DDAH1: variants seen among roughly 807,000 people sequenced by gnomAD.
The protein encoded by DDAH1 is dimethylarginine dimethylaminohydrolase 1, also known as N(G),N(G)-dimethylarginine dimethylaminohydrolase 1.
DDAH1 carries 19 observed loss-of-function variants against 28.8 expected under a neutral mutation model. The ratio of observed to expected loss-of-function variants is 0.66; its 90% CI spans 0.46 to 0.97. The LOEUF (loss-of-function observed/expected upper bound fraction) is 0.97. Among genes scored for constraint, DDAH1 ranks in the 50% least tolerant of loss-of-function variants. The pLI, the probability that DDAH1 is intolerant of heterozygous loss-of-function variation, is 0.00. For synonymous variants in DDAH1, 153 were observed against 154.4 expected (o/e 0.99, Z 0.07); for missense variants, 326 against 375.9 (o/e 0.87, Z 1.10).
intron 1 of DDAH1, among the ~76,000 whole-genome samples, chr1:85,577,476 A>G (rs1297546087): frequency 6.6e-6 from 1 of 152,172 alleles, no homozygotes. Context: ...GGATCTATGA[A>G]GACACACACA....
chr1:85,432,475 G>A (rs933842994), intron 1 of DDAH1, among the ~76,000 whole-genome samples: 4 of 152,064 alleles, frequency 2.6e-5, no homozygotes, highest in Non-Finnish European at 5.9e-5. Context: ...CGTGTGTATT[G>A]TTTCTGACCA....
chr1:85,546,106 A>G (rs1371429554), intron 1 of DDAH1, among the ~76,000 whole-genome samples: 2 of 147,394 alleles, frequency 1.4e-5, no homozygotes, highest in Non-Finnish European at 3.0e-5. Context: ...TATGACTACT[A>G]TTTGCTATGA....
At chr1:85,447,374 C>T (rs1489022508) in intron 1 of DDAH1, among the ~76,000 whole-genome samples, 3 of 152,166 alleles carry the variant, frequency 2.0e-5, no homozygotes, top group Admixed American at 6.5e-5. Context: ...CAGAAAGCCA[C>T]AGCAGCTAAG....
intron 2 of DDAH1, among the ~76,000 whole-genome samples, chr1:85,357,691 G>A (rs947599141): frequency 6.6e-6 from 1 of 152,136 alleles, no homozygotes; most frequent in Admixed American, 6.5e-5. Context: ...GGCTACATTG[G>A]TGAAATGTAT....
At chr1:85,437,309 A>ACTG (rs1653984887) in intron 1 of DDAH1, among the ~76,000 whole-genome samples, 1 of 152,152 alleles carries the variant, frequency 6.6e-6, no homozygotes, top group African/African-American at 2.4e-5. Flanking sequence ...CCCAGTATCA[A>ACTG]CTGCCGGATA....
At chr1:85,335,516 T>C (rs1328144545) in intron 4 of DDAH1, among the ~76,000 whole-genome samples, 2 of 151,910 alleles carry the variant, frequency 1.3e-5, no homozygotes, top group Non-Finnish European at 2.9e-5. Flanking sequence ...GGAGTAGATA[T>C]ATTTATATCA....
rs146275030 is a variant in DDAH1 at position 85,339,309 on chromosome 1, A to G, written c.597+11106T>C. 9.3e-4 allele frequency among the ~76,000 whole-genome samples: 141 copies of G among 152,296 alleles called. 1 individual carries two copies. Among genetic ancestry groups the G allele is most frequent in the Middle Eastern group, 3.4e-3 (1 of 294 alleles). ...GAGTCACCTCTCAGTATGTGGTCACAGGTTTAAACTTGGTCCCACTTCGGG... is the reference window on the plus strand; with the variant it reads ...GAGTCACCTCTCAGTATGTGGTCACGGGTTTAAACTTGGTCCCACTTCGGG... On this transcript the variant is annotated intron_variant, in intron 4 of 5. Transcript: ENST00000284031.
chr1:85,415,665 C>G (rs1168864479), intron 1 of DDAH1, among the ~76,000 whole-genome samples: 1 of 151,900 alleles, frequency 6.6e-6, no homozygotes, highest in East Asian at 1.9e-4. Flanking sequence ...AAATGAAACA[C>G]TATATTATTT....
At chr1:85,494,848 T>G (rs1656527597) in intron 2 of DDAH1, 1 of 152,260 alleles carries the variant, frequency 6.6e-6, no homozygotes, top group Non-Finnish European at 1.5e-5. Flanking sequence ...CATATCTTTG[T>G]GCACAGTGAA....
chr1:85,359,486 T>C (rs1168888088), intron 1 of DDAH1, among the ~76,000 whole-genome samples: 3 of 152,210 alleles, frequency 2.0e-5, no homozygotes, highest in Admixed American at 2.0e-4. Flanking sequence ...CAAGATTCCA[T>C]TTTAAATCTT....
intron 1 of DDAH1, among the ~76,000 whole-genome samples, chr1:85,527,770 A>G (rs1657924572): frequency 6.6e-6 from 1 of 152,226 alleles, no homozygotes; most frequent in South Asian, 2.1e-4. Flanking sequence ...AAATATCAGC[A>G]TAATTGCATC....
chr1:85,446,298 G>A (rs1233778260), intron 1 of DDAH1, among the ~76,000 whole-genome samples: 1 of 152,148 alleles, frequency 6.6e-6, no homozygotes, highest in Non-Finnish European at 1.5e-5. Context: ...CAGGAAAAGT[G>A]CCGAGTAAAG....
chr1:85,456,748 A>G (rs1249078601), intron 1 of DDAH1, among the ~76,000 whole-genome samples: 1 of 152,218 alleles, frequency 6.6e-6, no homozygotes, highest in East Asian at 1.9e-4. Context: ...ATAACTACAT[A>G]CTACAAGATG....
At chr1:85,514,766 G>A (rs1657406774) in intron 1 of DDAH1, among the ~76,000 whole-genome samples, 1 of 151,828 alleles carries the variant, frequency 6.6e-6, no homozygotes, top group South Asian at 2.1e-4. Flanking sequence ...TTTCACACTA[G>A]CCCCTGTGTC....
At chr1:85,407,065 T>C (rs1652441938) in intron 1 of DDAH1, among the ~76,000 whole-genome samples, 1 of 152,114 alleles carries the variant, frequency 6.6e-6, no homozygotes, top group African/African-American at 2.4e-5. Flanking sequence ...TTTTTAAATG[T>C]TTCCATTTCC....
intron 1 of DDAH1, among the ~76,000 whole-genome samples, chr1:85,569,065 C>T (rs1194452674): frequency 6.6e-6 from 1 of 152,172 alleles, no homozygotes; most frequent in African/African-American, 2.4e-5. Context: ...GTGTGAACTC[C>T]CCAAGAATCT....
chr1:85,397,310 G>A (rs574427072), intron 1 of DDAH1, among the ~76,000 whole-genome samples: 2 of 152,284 alleles, frequency 1.3e-5, no homozygotes, highest in African/African-American at 4.8e-5. Flanking sequence ...ATTCTGACAA[G>A]TACAGGTTTG....
At chr1:85,474,779 G>C (rs1655737914) in intron 2 of DDAH1, among the ~76,000 whole-genome samples, 2 of 152,106 alleles carry the variant, frequency 1.3e-5, no homozygotes, top group African/African-American at 4.8e-5. Context: ...ACTTTCATAA[G>C]AATGGGTTTC....
chr1:85,524,799 C>G lies in DDAH1; in HGVS notation c.-122-28518G>C, dbSNP rs1001276. ...GAAAAGCCTAATTAGAAATGAAGCACGCAGTGTCCCAACAAGAAAAATGCC... is the reference window on the plus strand; with the variant it reads ...GAAAAGCCTAATTAGAAATGAAGCAGGCAGTGTCCCAACAAGAAAAATGCC... On this transcript the variant is annotated intron_variant, in intron 1 of 6. Transcript: ENST00000426972. 2.0e-5 allele frequency among the ~76,000 whole-genome samples: 3 copies of G among 151,190 alleles called. No homozygotes were observed. In the East Asian group the frequency reaches 5.8e-4, roughly 29 times the overall value.
Sources: allele counts gnomAD v4.1 joint callset (sites outside exome capture counted in the v4.1 genomes callset), GRCh38; gene constraint gnomAD v4.1.1; transcripts MANE v1.5; gene names NCBI Gene and HGNC (gene_info 2026-07-23, HGNC 2026-07-21).